DNAI1: variants seen among roughly 807,000 people sequenced by gnomAD.
DNAI1 encodes dynein, axonemal, intermediate polypeptide 1.
DNAI1 carries 67 observed loss-of-function variants against 92.0 expected under a neutral mutation model. The ratio of observed to expected loss-of-function variants is 0.73; its 90% CI spans 0.60 to 0.89. DNAI1 has a LOEUF of 0.89. Among genes scored for constraint, DNAI1 ranks in the 40% least tolerant of loss-of-function variants. The pLI, the probability that DNAI1 is intolerant of heterozygous loss-of-function variation, is 0.00. For synonymous variants in DNAI1, 323 were observed against 319.6 expected (o/e 1.01, Z -0.11); for missense variants, 839 against 866.6 (o/e 0.97, Z 0.40).
At chr9:34,502,670 C>T (rs1221200521) in intron 12 of DNAI1, among the ~76,000 whole-genome samples, 2 of 152,118 alleles carry the variant, frequency 1.3e-5, no homozygotes, top group Non-Finnish European at 2.9e-5. Context: ...AGACCTTGAG[C>T]CTGACAAGCC....
intron 15 of DNAI1, among the ~76,000 whole-genome samples, 197 bp downstream of exon 15, chr9:34,512,621 C>A (rs910685035): frequency 2.0e-5 from 3 of 152,188 alleles, no homozygotes; most frequent in South Asian, 2.1e-4. Context: ...TATGCAGTTC[C>A]CATCCCTGTG....
rs758269785 is a variant in DNAI1 at position 34,491,509 on chromosome 9, G to C, written c.636G>C (p.Gln212His). The change falls in exon 8 of 20, where the codon CAG becomes CAC. Residue 212 changes from glutamine to histidine, a missense_variant. Coordinates refer to ENST00000242317, the MANE Select transcript of DNAI1 (RefSeq NM_012144.4). ...TTGTTCTTTAGGATCGAGAATGCCAGACGGAGCCTCCTCCCAGGACAAACT... is the reference window on the plus strand; with the variant it reads ...TTGTTCTTTAGGATCGAGAATGCCACACGGAGCCTCCTCCCAGGACAAACT... ...YNNPVRDREC[Q>H]TEPPPRTNFS... is the part of the protein sequence containing the mutation. 1 of 1,614,218 alleles carries C rather than the reference G, an allele frequency of 6.2e-7. No individual in the cohort carries two copies. The highest frequency in any genetic ancestry group is 1.7e-5 in the Admixed American group (1 of 60,030).
At chr9:34,471,275 A>T (rs78311698) in intron 1 of DNAI1, among the ~76,000 whole-genome samples, 1 of 151,616 alleles carries the variant, frequency 6.6e-6, no homozygotes, top group African/African-American at 2.4e-5. Context: ...AAAAAAAAAA[A>T]TTAGCTGGGT....
chr9:34,467,440 TACACACACACACACACACACACACAC>T (rs3039302), intron 1 of DNAI1, among the ~76,000 whole-genome samples: 1 of 137,378 alleles, frequency 7.3e-6, no homozygotes, highest in Non-Finnish European at 1.6e-5. Flanking sequence ...TCTACACAAA[TACACACACACACACACACACACACAC>T]ACACACACAC....
chr9:34,514,503 G>A lies in DNAI1; in HGVS notation c.1679G>A (p.Ser560Asn). The A allele has an allele frequency of 6.2e-7, 1 of 1,614,220 alleles. No individual in the cohort carries two copies. Among genetic ancestry groups the A allele is most frequent in the Non-Finnish European group, 8.5e-7 (1 of 1,180,042 alleles). Residue 560 changes from serine to asparagine, a missense_variant, in exon 17 of 20, where the codon AGC becomes AAC. Coordinates refer to ENST00000242317, the MANE Select transcript of DNAI1 (RefSeq NM_012144.4). ...PYHTKVFMSC[S>N]SDWTVKIWDH... is the part of the protein sequence containing the mutation. ...CACACCAAGGTCTTCATGTCCTGCA[G>A]CTCCGACTGGACAGTGAAGATCTGG...
At chr9:34,496,122 C>T (rs1011978094) in intron 9 of DNAI1, among the ~76,000 whole-genome samples, 17 of 152,184 alleles carry the variant, frequency 1.1e-4, no homozygotes, top group African/African-American at 4.1e-4. Flanking sequence ...AGGCAGATGC[C>T]ACCATCCGCC....
At chr9:34,481,207 C>T (rs766107574) in intron 1 of DNAI1, among the ~76,000 whole-genome samples, 2 of 152,250 alleles carry the variant, frequency 1.3e-5, no homozygotes, top group South Asian at 4.1e-4. Flanking sequence ...TGTGCCACTG[C>T]ACTCCAGCCT....
rs1824412769 is a variant in DNAI1 at position 34,483,428 on chromosome 9, GT to G, written c.49-16del. ...TCAATTTGCTTATGACTTACCTTCT[GT>G]TTTCTGTTCTTCATTTAGAGCATCA... On this transcript the variant is annotated intron_variant, in intron 1 of 19. Coordinates refer to ENST00000242317, the MANE Select transcript of DNAI1 (RefSeq NM_012144.4). 1.6e-5 allele frequency: 25 copies of G among 1,609,536 alleles called. No individual in the cohort carries two copies. Among genetic ancestry groups the G allele is most frequent in the Non-Finnish European group, 2.1e-5 (25 of 1,179,042 alleles).
At chr9:34,488,076 A>C (rs1335551346) in intron 4 of DNAI1, 1 of 398,658 alleles carries the variant, frequency 2.5e-6, no homozygotes, top group East Asian at 8.7e-5. Context: ...TTCATCATGA[A>C]AATAGTTACT....
chr9:34,516,239 C>T (rs866479272), intron 18 of DNAI1, among the ~76,000 whole-genome samples: 72 of 151,936 alleles, frequency 4.7e-4, no homozygotes, highest in African/African-American at 1.5e-3. Flanking sequence ...AAGCAAGGGG[C>T]GAGAACATGA....
chr9:34,492,291 T>C (rs1824617866), intron 8 of DNAI1, among the ~76,000 whole-genome samples: 1 of 151,828 alleles, frequency 6.6e-6, no homozygotes, highest in African/African-American at 2.4e-5. Flanking sequence ...CACGGTGTGA[T>C]GAGGGGCATT....
At position 34,514,492 on chromosome 9, in the gene DNAI1, C is replaced by T; in HGVS notation, c.1668C>T (p.Phe556=). 1 of 1,614,242 alleles carries T rather than the reference C, an allele frequency of 6.2e-7. No individual in the cohort carries two copies. Among genetic ancestry groups the T allele is most frequent in the Non-Finnish European group, 8.5e-7 (1 of 1,180,054 alleles). ...VSWNPYHTKV[F]MSCSSDWTVK... The stretch of plus-strand genomic sequence containing the variant: ...GGAACCCATACCACACCAAGGTCTT[C>T]ATGTCCTGCAGCTCCGACTGGACAG... The change falls in exon 17 of 20, where the codon TTC becomes TTT. Residue 556 remains phenylalanine (F), a synonymous_variant. Coordinates refer to ENST00000242317, the MANE Select transcript of DNAI1 (RefSeq NM_012144.4).
intron 4 of DNAI1, 47 bp downstream of exon 4, chr9:34,485,564 G>A: frequency 6.4e-7 from 1 of 1,567,408 alleles, no homozygotes. Flanking sequence ...CATCTCCTTG[G>A]AGTGACAGTG....
intron 9 of DNAI1, among the ~76,000 whole-genome samples, chr9:34,493,951 T>A (rs1824664405): frequency 6.6e-6 from 1 of 151,882 alleles, no homozygotes; most frequent in Non-Finnish European, 1.5e-5. Flanking sequence ...ATCGTGGGAG[T>A]CACAGTGATG....
At chr9:34,461,377 G>A (rs142101872) in intron 1 of DNAI1, among the ~76,000 whole-genome samples, 3 of 152,302 alleles carry the variant, frequency 2.0e-5, no homozygotes, top group Admixed American at 6.5e-5. Flanking sequence ...ATTTACACAC[G>A]TATAAACCAC....
intron 11 of DNAI1, 37 bp downstream of exon 11, chr9:34,500,876 A>C: frequency 2.6e-6 from 4 of 1,535,836 alleles, no homozygotes; most frequent in South Asian, 1.1e-5. Context: ...AGAGCCCCTG[A>C]GTGCCCTCTA....
intron 13 of DNAI1, among the ~76,000 whole-genome samples, chr9:34,510,842 G>A (rs767800249): frequency 2.6e-4 from 39 of 152,100 alleles, no homozygotes; most frequent in Admixed American, 2.6e-3. Flanking sequence ...CAATATTAGG[G>A]CTGACTCTGA....
At chr9:34,496,671 C>T (rs972180078) in intron 9 of DNAI1, among the ~76,000 whole-genome samples, 4 of 152,130 alleles carry the variant, frequency 2.6e-5, no homozygotes, top group African/African-American at 9.7e-5. Context: ...AGGGATAAAA[C>T]CACATGATCT....
intron 10 of DNAI1, among the ~76,000 whole-genome samples, chr9:34,499,949 G>A (rs146543818): frequency 6.6e-6 from 1 of 152,358 alleles, no homozygotes; most frequent in African/African-American, 2.4e-5. Context: ...AAGGGTTGGA[G>A]AAGGAGTTAC....
Sources: gnomAD v4.1 joint callset for allele counts (sites outside exome capture counted in the v4.1 genomes callset) on GRCh38, gnomAD v4.1.1 for gene constraint, MANE v1.5 for transcripts, NCBI Gene and HGNC (gene_info 2026-07-23, HGNC 2026-07-21) for gene names.